The following ELMO1 variants were observed in gnomAD, a reference collection of about 807,000 sequenced individuals.
ELMO1 encodes engulfment and cell motility protein 1.
ELMO1 carries 26 observed loss-of-function variants against 98.9 expected under a neutral mutation model. The ratio of observed to expected loss-of-function variants is 0.26; its 90% confidence interval spans 0.19 to 0.36. The LOEUF (loss-of-function observed/expected upper bound fraction) is 0.36. ELMO1 is among the 10% of genes least tolerant of loss of function. The pLI is 1.00. For missense variants in ELMO1, 627 were observed against 935.2 expected (o/e 0.67, Z 4.30); for synonymous variants, 346 against 346.0 (o/e 1.00, Z 0.00).
intron 1 of ELMO1, among the ~76,000 whole-genome samples, chr7:37,418,604 C>T (rs1487589052): frequency 6.6e-6 from 1 of 152,188 alleles, no homozygotes; most frequent in Non-Finnish European, 1.5e-5. Flanking sequence ...TGTGCCAGTG[C>T]AACTCTGTAT....
At chr7:37,430,681 G>T (rs918979) in intron 1 of ELMO1, among the ~76,000 whole-genome samples, 50,716 of 152,210 alleles carry the variant, frequency 0.33, 9,495 homozygotes, top group Non-Finnish European at 0.44. Context: ...TTGGAGAAGA[G>T]GTTCAAAACT....
chr7:37,416,989 C>T (rs946229808), intron 1 of ELMO1, among the ~76,000 whole-genome samples: 8 of 152,206 alleles, frequency 5.3e-5, no homozygotes, highest in African/African-American at 1.9e-4. Context: ...TGACTGCAAG[C>T]AACTAGCTGT....
chr7:36,915,895 C>T (rs1229119909), intron 16 of ELMO1, among the ~76,000 whole-genome samples: 1 of 152,174 alleles, frequency 6.6e-6, no homozygotes, highest in African/African-American at 2.4e-5. Flanking sequence ...CTTCCCCAAA[C>T]AGCCACTGCC....
chr7:37,393,515 G>A (rs1390413888), intron 1 of ELMO1, among the ~76,000 whole-genome samples: 3 of 152,108 alleles, frequency 2.0e-5, no homozygotes, highest in Non-Finnish European at 2.9e-5. Flanking sequence ...AAGCTGTTGT[G>A]TCTCTTCAGT....
At chr7:37,179,254 T>G (rs1790690572) in intron 13 of ELMO1, among the ~76,000 whole-genome samples, 1 of 151,562 alleles carries the variant, frequency 6.6e-6, no homozygotes. Flanking sequence ...TAATCCAAAT[T>G]TAATCTGAAT....
intron 13 of ELMO1, among the ~76,000 whole-genome samples, chr7:37,183,248 C>G (rs1260073646): frequency 6.6e-6 from 1 of 152,206 alleles, no homozygotes; most frequent in East Asian, 1.9e-4. Flanking sequence ...GTGAGCAACA[C>G]GTTCATTTTC....
intron 16 of ELMO1, among the ~76,000 whole-genome samples, chr7:36,941,511 A>C (rs1461872469): frequency 6.6e-6 from 1 of 152,214 alleles, no homozygotes; most frequent in Non-Finnish European, 1.5e-5. Flanking sequence ...TAACATCTAC[A>C]AGTTAAATCT....
intron 13 of ELMO1, among the ~76,000 whole-genome samples, chr7:37,152,522 C>T (rs1185936314): frequency 6.6e-6 from 1 of 151,776 alleles, no homozygotes; most frequent in African/African-American, 2.4e-5. Context: ...AGTGTGATCC[C>T]GTTTTTGTAC....
intron 16 of ELMO1, among the ~76,000 whole-genome samples, chr7:36,954,064 A>G (rs1454383149): frequency 6.6e-6 from 1 of 152,146 alleles, no homozygotes; most frequent in Non-Finnish European, 1.5e-5. Context: ...CCTAGGCAGG[A>G]TTTCCAAATT....
At chr7:37,190,448 A>G (rs1026931551) in intron 13 of ELMO1, among the ~76,000 whole-genome samples, 6 of 152,190 alleles carry the variant, frequency 3.9e-5, no homozygotes, top group Non-Finnish European at 8.8e-5. Context: ...ATATACTAAG[A>G]TGACATCATA....
In ELMO1 at chr7:36,894,965, C is replaced by G. The variant is rs956711929; in HGVS notation, c.1490G>C (p.Ser497Thr). The stretch of plus-strand genomic sequence containing the variant: ...TTTGCTCTTGAACTGGTCCAGGGAG[C>G]TAGGCTTGGTTGTAAGTGCTCTCAT... ...QVMRALTTKP[S>T]SLDQFKSKLQ... Residue 497 changes from serine to threonine, a missense_variant, in exon 17 of 22, where the codon AGC becomes ACC. By Grantham distance (58) the Ser-to-Thr change is moderately conservative. Around this residue, in one of 3 missense-constraint regions of ELMO1, gnomAD observed 492 missense variants for 715.6 expected, o/e 0.69. Coordinates refer to ENST00000310758, the MANE Select transcript of ELMO1 (RefSeq NM_014800.11). 2 of 1,613,960 alleles carry G rather than the reference C, an allele frequency of 1.2e-6. No homozygotes were observed. Among genetic ancestry groups the G allele is most frequent in the African/African-American group, 1.3e-5 (1 of 74,908 alleles).
intron 4 of ELMO1, among the ~76,000 whole-genome samples, chr7:37,310,219 C>T (rs753474016): frequency 1.2e-4 from 18 of 152,176 alleles, no homozygotes; most frequent in Non-Finnish European, 2.2e-4. Context: ...AAGACATTAG[C>T]GATACATCAC....
intron 13 of ELMO1, among the ~76,000 whole-genome samples, chr7:37,185,184 C>T (rs1260522730): frequency 1.3e-5 from 2 of 152,182 alleles, no homozygotes; most frequent in African/African-American, 4.8e-5. Context: ...TGTGGTCAAT[C>T]TTTATTCTTA....
At chr7:37,332,283 G>A (rs1800173838) in intron 2 of ELMO1, among the ~76,000 whole-genome samples, 1 of 152,206 alleles carries the variant, frequency 6.6e-6, no homozygotes, top group Non-Finnish European at 1.5e-5. Flanking sequence ...AGTCATTCCT[G>A]TTCATGTATT....
At chr7:37,264,336 TAC>T (rs950655289) in intron 5 of ELMO1, among the ~76,000 whole-genome samples, 23 of 152,208 alleles carry the variant, frequency 1.5e-4, no homozygotes, top group African/African-American at 3.9e-4. Flanking sequence ...TGAATATATA[TAC>T]ATTCATGTAT....
intron 13 of ELMO1, among the ~76,000 whole-genome samples, chr7:37,198,157 T>A (rs530317676): frequency 3.3e-4 from 50 of 152,330 alleles, no homozygotes; most frequent in African/African-American, 1.2e-3. Context: ...AGAGGCTCTT[T>A]GAGGGGTATA....
intron 16 of ELMO1, among the ~76,000 whole-genome samples, chr7:36,925,093 T>C (rs1785442690): frequency 6.6e-6 from 1 of 152,076 alleles, no homozygotes; most frequent in Non-Finnish European, 1.5e-5. Flanking sequence ...AACCAGGAAT[T>C]ATCCAGCCCA....
At chr7:37,357,765 G>A (rs1801546685) in intron 1 of ELMO1, among the ~76,000 whole-genome samples, 1 of 152,178 alleles carries the variant, frequency 6.6e-6, no homozygotes, top group Admixed American at 6.5e-5. Flanking sequence ...GCTGCAGTTT[G>A]GTTTAAGATA....
chr7:36,964,158 T>C (rs549367173), intron 16 of ELMO1, among the ~76,000 whole-genome samples: 3 of 152,336 alleles, frequency 2.0e-5, no homozygotes, highest in East Asian at 1.9e-4. Context: ...ATAAAGAGAA[T>C]TGTTGATGAA....
Sources: allele counts gnomAD v4.1 joint callset (sites outside exome capture counted in the v4.1 genomes callset), GRCh38; gene constraint gnomAD v4.1.1; regional missense constraint gnomAD v4.1.1; transcripts MANE v1.5; gene names NCBI Gene and HGNC (gene_info 2026-07-23, HGNC 2026-07-21).